Variants in SPOCK1 observed in about 807,000 individuals in gnomAD.
The protein encoded by SPOCK1 is SPARC (osteonectin), cwcv and kazal like domains proteoglycan 1.
In SPOCK1, 23 loss-of-function variants were observed where a neutral mutation model predicts 55.3. That is an observed-to-expected ratio of 0.42 (90% CI 0.30 to 0.59). The LOEUF (loss-of-function observed/expected upper bound fraction) is 0.59, where lower values mean the gene tolerates loss of function less well. Ranked by LOEUF, SPOCK1 falls within the 20% of genes least tolerant of loss-of-function variation. The pLI, the probability that SPOCK1 is intolerant of heterozygous loss-of-function variation, is 0.22. For missense variants in SPOCK1, 499 were observed against 552.5 expected (o/e 0.90, Z 0.97); for synonymous variants, 226 against 221.0 (o/e 1.02, Z -0.20).
intron 6 of SPOCK1, among the ~76,000 whole-genome samples, chr5:136,999,040 C>A (rs1392951092): frequency 6.6e-6 from 1 of 152,188 alleles, no homozygotes; most frequent in Non-Finnish European, 1.5e-5. Flanking sequence ...CTCCACCTGG[C>A]CACCTTTGCC....
At chr5:136,990,574 G>T (rs540305211) in intron 7 of SPOCK1, among the ~76,000 whole-genome samples, 135 of 149,214 alleles carry the variant, frequency 9.0e-4, no homozygotes, top group African/African-American at 3.3e-3. Context: ...TTCCAGAAGA[G>T]AGGCTACGGG....
intron 2 of SPOCK1, among the ~76,000 whole-genome samples, chr5:137,304,130 C>A (rs935417041): frequency 7.3e-5 from 11 of 149,714 alleles, no homozygotes; most frequent in African/African-American, 2.4e-4. Flanking sequence ...GAATCAAATT[C>A]TTTAGAAAAG....
chr5:137,260,243 A>T (rs1756721211), intron 3 of SPOCK1, among the ~76,000 whole-genome samples: 1 of 152,228 alleles, frequency 6.6e-6, no homozygotes, highest in Non-Finnish European at 1.5e-5. Flanking sequence ...GTTTACATTT[A>T]AAAATACTAA....
At chr5:137,178,385 G>T (rs569213189) in intron 3 of SPOCK1, among the ~76,000 whole-genome samples, 1 of 152,200 alleles carries the variant, frequency 6.6e-6, no homozygotes, top group African/African-American at 2.4e-5. Flanking sequence ...CACCTTCTTA[G>T]CGGGCAAAAA....
intron 3 of SPOCK1, among the ~76,000 whole-genome samples, chr5:137,223,785 T>C (rs75029137): frequency 0.022 from 3,319 of 151,592 alleles, 122 homozygotes; most frequent in African/African-American, 0.076. Flanking sequence ...CCTGCCAGAG[T>C]TCAGAATGTC....
intron 2 of SPOCK1, among the ~76,000 whole-genome samples, chr5:137,270,956 C>A (rs559962293): frequency 6.6e-6 from 1 of 152,074 alleles, no homozygotes; most frequent in East Asian, 1.9e-4. Context: ...GAGCCAAGAT[C>A]GCACCATTGC....
At chr5:137,303,472 A>C (rs906717784) in intron 2 of SPOCK1, among the ~76,000 whole-genome samples, 5 of 152,200 alleles carry the variant, frequency 3.3e-5, no homozygotes, top group African/African-American at 1.2e-4. Context: ...AGACACACAG[A>C]TTTTAAGTGG....
chr5:137,211,460 G>T (rs1277248584), intron 3 of SPOCK1, among the ~76,000 whole-genome samples: 1 of 152,134 alleles, frequency 6.6e-6, no homozygotes, highest in Non-Finnish European at 1.5e-5. Flanking sequence ...TATGGATAAG[G>T]GTATAGAAAG....
intron 2 of SPOCK1, among the ~76,000 whole-genome samples, chr5:137,269,235 T>C (rs932034612): frequency 2.6e-5 from 4 of 152,154 alleles, no homozygotes; most frequent in African/African-American, 9.7e-5. Context: ...GAGTGAAAAC[T>C]CATTATGCAA....
intron 2 of SPOCK1, among the ~76,000 whole-genome samples, chr5:137,461,235 G>A (rs1408797885): frequency 6.6e-6 from 1 of 152,150 alleles, no homozygotes; most frequent in Non-Finnish European, 1.5e-5. Flanking sequence ...GGAGATCCAC[G>A]AAACTTTACC....
chr5:136,994,904 C>T (rs759925927), intron 6 of SPOCK1, among the ~76,000 whole-genome samples: 1 of 151,986 alleles, frequency 6.6e-6, no homozygotes, highest in Non-Finnish European at 1.5e-5. Flanking sequence ...ACTTGGAAGG[C>T]TGACACAGGA....
intron 6 of SPOCK1, among the ~76,000 whole-genome samples, chr5:137,018,140 G>T (rs1035895864): frequency 4.6e-5 from 7 of 152,222 alleles, no homozygotes; most frequent in African/African-American, 1.7e-4. Flanking sequence ...CTTGTGGGTA[G>T]AGGCCAGGGA....
chr5:137,319,922 G>T (rs574788406), intron 2 of SPOCK1, among the ~76,000 whole-genome samples: 1 of 136,256 alleles, frequency 7.3e-6, no homozygotes, highest in Non-Finnish European at 1.5e-5. Context: ...TCCGCAGTCC[G>T]GCCTGGGCGA....
At chr5:137,002,981 C>T (rs180932100) in intron 6 of SPOCK1, among the ~76,000 whole-genome samples, 72 of 152,260 alleles carry the variant, frequency 4.7e-4, no homozygotes, top group African/African-American at 1.6e-3. Context: ...GAGGCTCATA[C>T]GCAGGGAGGA....
chr5:137,376,314 G>A (rs577083559), intron 2 of SPOCK1, among the ~76,000 whole-genome samples: 170 of 152,292 alleles, frequency 1.1e-3, no homozygotes, highest in Non-Finnish European at 1.8e-3. Flanking sequence ...AGACAGCACC[G>A]GCTGCCCCGC....
intron 2 of SPOCK1, among the ~76,000 whole-genome samples, chr5:137,289,386 G>T (rs1757325681): frequency 6.6e-6 from 1 of 152,000 alleles, no homozygotes; most frequent in South Asian, 2.1e-4. Context: ...CTGGTTCCAT[G>T]GTCTAAAATA....
intron 2 of SPOCK1, among the ~76,000 whole-genome samples, chr5:137,376,272 G>GCA (rs1392349437): frequency 6.6e-6 from 1 of 152,166 alleles, no homozygotes; most frequent in African/African-American, 2.4e-5. Context: ...AGCAGCACAA[G>GCA]CACCTCTTGC....
chr5:137,463,949 A>G (rs1345262382), intron 2 of SPOCK1, among the ~76,000 whole-genome samples: 1 of 152,128 alleles, frequency 6.6e-6, no homozygotes, highest in Non-Finnish European at 1.5e-5. Flanking sequence ...TTCCATCTCA[A>G]AAAATAAAAA....
intron 3 of SPOCK1, among the ~76,000 whole-genome samples, chr5:137,217,937 C>T (rs748874155): frequency 6.6e-6 from 1 of 150,616 alleles, no homozygotes; most frequent in Non-Finnish European, 1.5e-5. Context: ...ACTTACCCAA[C>T]CTTACCGCAT....
Sources: gnomAD v4.1 joint callset for allele counts (sites outside exome capture counted in the v4.1 genomes callset) on GRCh38, gnomAD v4.1.1 for gene constraint, MANE v1.5 for transcripts, NCBI Gene and HGNC (gene_info 2026-07-23, HGNC 2026-07-21) for gene names.